The following DYM variants were observed in gnomAD, a reference collection of about 807,000 sequenced individuals.
The protein encoded by DYM is dymeclin.
In DYM, 78 loss-of-function variants were observed where a neutral mutation model predicts 93.1. The ratio of observed to expected loss-of-function variants is 0.84; its 90% CI spans 0.70 to 1.01. The LOEUF is 1.01. DYM is among the 50% of genes least tolerant of loss of function. The pLI is 0.00. For missense variants in DYM, 789 were observed against 845.0 expected (o/e 0.93, Z 0.82); for synonymous variants, 321 against 319.7 (o/e 1.00, Z -0.04).
chr18:49,079,651 C>G (rs1162011315), intron 17 of DYM, among the ~76,000 whole-genome samples: 2 of 151,366 alleles, frequency 1.3e-5, no homozygotes, highest in Non-Finnish European at 3.0e-5. Context: ...CAAAGCACAT[C>G]TTGCACCGCC....
intron 1 of DYM, among the ~76,000 whole-genome samples, chr18:49,447,056 A>G (rs1160827163): frequency 2.0e-5 from 3 of 147,396 alleles, no homozygotes; most frequent in Non-Finnish European, 3.0e-5. Flanking sequence ...GGAAGACTCC[A>G]TCACAAAAAA....
At chr18:49,392,949 C>T (rs1335289881) in intron 2 of DYM, among the ~76,000 whole-genome samples, 1 of 144,774 alleles carries the variant, frequency 6.9e-6, no homozygotes, top group African/African-American at 2.5e-5. Flanking sequence ...GAGCCAAGAT[C>T]GTGCCACTGC....
At chr18:49,055,228 G>A (rs1006580144) in intron 17 of DYM, among the ~76,000 whole-genome samples, 3 of 152,128 alleles carry the variant, frequency 2.0e-5, no homozygotes, top group South Asian at 2.1e-4. Flanking sequence ...GGGCCGATCT[G>A]CAGTGAGGTG....
chr18:49,449,415 G>A (rs55746222), intron 1 of DYM, among the ~76,000 whole-genome samples: 61,498 of 151,968 alleles, frequency 0.4, 12,846 homozygotes, highest in East Asian at 0.58. Flanking sequence ...GAAGAGAGGC[G>A]GTACCTCTTG....
intron 14 of DYM, among the ~76,000 whole-genome samples, chr18:49,197,379 G>C (rs936376102): frequency 6.6e-6 from 1 of 152,052 alleles, no homozygotes; most frequent in Non-Finnish European, 1.5e-5. Context: ...AAGAAAGCCA[G>C]GAGTATGCTG....
In DYM at chr18:49,285,627, A is replaced by G. The variant is rs1300713226; in HGVS notation, c.946+807T>C. ...GGCTAGGAGCAATAGGCTACACCAC[A>G]TAGCCTAGTTGTGTAGTAGCTACGC... On this transcript the variant is annotated intron_variant, in intron 9 of 17. Coordinates refer to ENST00000675505, the MANE Select transcript of DYM (RefSeq NM_001353214.3). 4.6e-5 allele frequency among the ~76,000 whole-genome samples: 7 copies of G among 152,246 alleles called. No individual in the cohort carries two copies. In the South Asian group the frequency reaches 1.0e-3, roughly 22 times the overall value.
intron 15 of DYM, among the ~76,000 whole-genome samples, chr18:49,160,722 A>C (rs1347325788): frequency 2.6e-5 from 4 of 152,236 alleles, no homozygotes; most frequent in Non-Finnish European, 5.9e-5. Flanking sequence ...AAGGTACTTA[A>C]GTAAAACTTC....
At chr18:49,349,176 C>T (rs1271985956) in intron 6 of DYM, among the ~76,000 whole-genome samples, 1 of 152,094 alleles carries the variant, frequency 6.6e-6, no homozygotes, top group Non-Finnish European at 1.5e-5. Flanking sequence ...CCAGTGCACT[C>T]CCGCCTGGGT....
At chr18:49,299,411 CAG>C (rs2146131116) in intron 8 of DYM, among the ~76,000 whole-genome samples, 1 of 152,290 alleles carries the variant, frequency 6.6e-6, no homozygotes, top group East Asian at 1.9e-4. Context: ...TTTAGGAAAA[CAG>C]ACAAGTCTTT....
intron 14 of DYM, among the ~76,000 whole-genome samples, chr18:49,184,924 T>C (rs2090298717): frequency 6.6e-6 from 1 of 152,166 alleles, no homozygotes; most frequent in Admixed American, 6.5e-5. Context: ...TTTATGACAT[T>C]ATAAAATAAA....
At chr18:49,221,324 C>T (rs1253901386) in intron 13 of DYM, among the ~76,000 whole-genome samples, 2 of 152,074 alleles carry the variant, frequency 1.3e-5, no homozygotes, top group African/African-American at 4.8e-5. Flanking sequence ...TAAACTAGTT[C>T]AACCATTGTG....
chr18:49,424,795 T>C (rs1396704238), intron 2 of DYM, among the ~76,000 whole-genome samples: 1 of 152,144 alleles, frequency 6.6e-6, no homozygotes, highest in Non-Finnish European at 1.5e-5. Context: ...CATTCACAAT[T>C]GCTTCAAAGA....
At position 49,039,323 on chromosome 18, in the gene DYM, G is replaced by C. The variant is rs2070817539; in HGVS notation, c.*4732C>G. On this transcript the variant is annotated 3_prime_UTR_variant, in exon 18 of 18. Transcript: ENST00000675505. Reference sequence around the variant, plus strand: ...TTATATTCCCTCTCCCACCCCAGCAGGTCTAAAATATTATTTTTCTTTGGT... The same window carrying C: ...TTATATTCCCTCTCCCACCCCAGCACGTCTAAAATATTATTTTTCTTTGGT... Among the ~76,000 whole-genome samples, 1 of 151,772 alleles carries C rather than the reference G, an allele frequency of 6.6e-6. No homozygotes were observed. The highest frequency in any genetic ancestry group is 2.1e-4 in the South Asian group (1 of 4,808).
intron 14 of DYM, among the ~76,000 whole-genome samples, chr18:49,168,491 TG>T (rs1431063081): frequency 8.5e-5 from 13 of 152,252 alleles, no homozygotes; most frequent in Middle Eastern, 3.4e-3. Flanking sequence ...AATCACAAGC[TG>T]GTGGAAATGG....
chr18:49,326,597 A>C (rs2062895340), intron 8 of DYM, among the ~76,000 whole-genome samples: 1 of 152,208 alleles, frequency 6.6e-6, no homozygotes, highest in Non-Finnish European at 1.5e-5. Flanking sequence ...ATTGAATGCC[A>C]ACCAAGCACT....
In DYM at chr18:49,241,563, G is replaced by C. The variant is rs538344652; in HGVS notation, c.1460+15447C>G. Among the ~76,000 whole-genome samples the C allele has an allele frequency of 2.5e-4, 38 of 152,290 alleles. No homozygotes were observed. In the South Asian group the frequency reaches 3.7e-3, roughly 15 times the overall value. ...GACCAAAACTATGGCTAATTTCCAT[G>C]TTTTGGAAGATGGTGGTAACCTGAT... On this transcript the variant is annotated intron_variant, in intron 13 of 17. Coordinates refer to ENST00000675505, the MANE Select transcript of DYM (RefSeq NM_001353214.3).
At chr18:49,432,926 T>C (rs2080471036) in intron 1 of DYM, among the ~76,000 whole-genome samples, 1 of 152,200 alleles carries the variant, frequency 6.6e-6, no homozygotes, top group Non-Finnish European at 1.5e-5. Context: ...ACTAGAAATC[T>C]ATAGCTTTTC....
chr18:49,109,472 C>T (rs1332232026), intron 16 of DYM, among the ~76,000 whole-genome samples: 3 of 152,174 alleles, frequency 2.0e-5, no homozygotes, highest in East Asian at 3.8e-4. Flanking sequence ...TATTATACTA[C>T]TTGACACTGT....
At chr18:49,155,768 T>C (rs2086339437) in intron 15 of DYM, among the ~76,000 whole-genome samples, 1 of 152,252 alleles carries the variant, frequency 6.6e-6, no homozygotes, top group Non-Finnish European at 1.5e-5. Flanking sequence ...TCTCACATGG[T>C]ATCTCACATG....
Sources: allele counts gnomAD v4.1 joint callset (sites outside exome capture counted in the v4.1 genomes callset), GRCh38; gene constraint gnomAD v4.1.1; transcripts MANE v1.5; gene names NCBI Gene and HGNC (gene_info 2026-07-23, HGNC 2026-07-21).